Variants in TLL2 observed in about 807,000 individuals in gnomAD.
TLL2 encodes the protein tolloid like 2, also known as tolloid-like protein 2.
In TLL2, 106 loss-of-function variants were observed where a neutral mutation model predicts 123.0. The observed-to-expected ratio is 0.86, with a 90% CI of 0.74 to 1.01. TLL2 has a LOEUF of 1.01. TLL2 is among the 50% of genes least tolerant of loss of function. TLL2 has a pLI of 0.00. For missense variants in TLL2, 1,332 were observed against 1,336.7 expected, an observed-to-expected ratio of 1.00 and a Z score of 0.06; for synonymous variants, 494 against 516.8, an observed-to-expected ratio of 0.96 and a Z score of 0.60.
chr10:96,424,520 A>G (rs1351787725), intron 5 of TLL2, among the ~76,000 whole-genome samples: 1 of 152,164 alleles, frequency 6.6e-6, no homozygotes, highest in Non-Finnish European at 1.5e-5. Context: ...TTATCAAACT[A>G]TTTTGCCAAT....
intron 1 of TLL2, 28 bp downstream of exon 1, chr10:96,513,483 G>C (rs781125049): frequency 6.2e-7 from 1 of 1,611,350 alleles, no homozygotes; most frequent in East Asian, 2.2e-5. Context: ...GCAAACTTCT[G>C]CGGGACTTCC....
At chr10:96,423,295 C>G (rs1021688423) in intron 5 of TLL2, among the ~76,000 whole-genome samples, 10 of 152,158 alleles carry the variant, frequency 6.6e-5, no homozygotes, top group African/African-American at 2.2e-4. Context: ...TACGGTCTCT[C>G]TCTGACATAA....
At position 96,428,712 on chromosome 10, in the gene TLL2, T is replaced by A. The variant is rs765175182; in HGVS notation, c.557A>T (p.His186Leu). 1 of 1,614,098 alleles carries A rather than the reference T, an allele frequency of 6.2e-7. No individual in the cohort carries two copies. The highest frequency in any genetic ancestry group is 1.3e-5 in the African/African-American group (1 of 75,054). The change falls in exon 5 of 21, where the codon CAC becomes CTC. Residue 186 changes from histidine to leucine, a missense_variant. Transcript: ENST00000357947. ...QRAIFKQAMR[H>L]WEKHTCVTFI... ...GGTCACACAGGTGTGCTTCTCCCAG[T>A]GTCTCATGGCCTGCTTAAAAATGGC...
chr10:96,441,002 C>T (rs1366802931), intron 3 of TLL2, among the ~76,000 whole-genome samples: 4 of 151,830 alleles, frequency 2.6e-5, no homozygotes, highest in Admixed American at 6.6e-5. Context: ...GAGCTCAGGG[C>T]GTCTGACAGG....
chr10:96,388,874 G>GTAC (rs1274014083), intron 13 of TLL2, among the ~76,000 whole-genome samples: 1 of 152,218 alleles, frequency 6.6e-6, no homozygotes, highest in Non-Finnish European at 1.5e-5. Flanking sequence ...TAATGGTGAT[G>GTAC]TACTCTTGGG....
chr10:96,432,671 G>A, intron 4 of TLL2, 136 bp downstream of exon 4: 3 of 1,114,426 alleles, frequency 2.7e-6, no homozygotes, highest in Non-Finnish European at 3.8e-6. Flanking sequence ...GCCGGCAAGA[G>A]GGGGGCATCA....
rs370477854 is a variant in TLL2, at chr10:96,457,373, C to T, written c.287-11205G>A. ...ATGACAGCTTGTCTCTGTCCTACCC[C>T]ATGGTCCAGACTTCAGCAGGGTGTT... On this transcript the variant is annotated intron_variant, in intron 2 of 20. Coordinates refer to ENST00000357947, the MANE Select transcript of TLL2 (RefSeq NM_012465.4). 2.6e-5 allele frequency among the ~76,000 whole-genome samples: 4 copies of T among 152,340 alleles called. No individual in the cohort carries two copies. In the South Asian group the frequency reaches 8.3e-4, roughly 32 times the overall value.
chr10:96,484,752 T>C (rs1471560449), intron 1 of TLL2, among the ~76,000 whole-genome samples: 2 of 152,180 alleles, frequency 1.3e-5, no homozygotes, highest in East Asian at 1.9e-4. Context: ...GACACATAGA[T>C]GCTTTCCCTG....
At chr10:96,446,592 G>A (rs765847589) in intron 2 of TLL2, among the ~76,000 whole-genome samples, 4 of 152,090 alleles carry the variant, frequency 2.6e-5, no homozygotes, top group Non-Finnish European at 5.9e-5. Flanking sequence ...CAGTGCTGCC[G>A]AATACTCAAT....
At chr10:96,478,562 A>C (rs939933514) in intron 2 of TLL2, among the ~76,000 whole-genome samples, 1 of 152,230 alleles carries the variant, frequency 6.6e-6, no homozygotes, top group Non-Finnish European at 1.5e-5. Context: ...TATTTATCGT[A>C]GCCCAAACCA....
chr10:96,379,141 G>T, intron 16 of TLL2, 49 bp from the exon 17 acceptor site: 1 of 1,585,450 alleles, frequency 6.3e-7, no homozygotes, highest in Non-Finnish European at 8.6e-7. Context: ...ACTTGCAAAT[G>T]TCCCTCAGGG....
At chr10:96,401,525 C>T (rs533938751) in intron 10 of TLL2, among the ~76,000 whole-genome samples, 13 of 147,574 alleles carry the variant, frequency 8.8e-5, no homozygotes, top group African/African-American at 2.2e-4. Flanking sequence ...CACACACACA[C>T]GCACACACAC....
At chr10:96,490,078 CAG>C (rs1056053095) in intron 1 of TLL2, among the ~76,000 whole-genome samples, 6 of 151,834 alleles carry the variant, frequency 4.0e-5, no homozygotes, top group African/African-American at 7.3e-5. Context: ...GCCTGGGTGA[CAG>C]AGTGAGACTC....
Position 96,368,027 on chromosome 10 carries a change from T to C in TLL2, c.*61A>G, listed in dbSNP as rs1437909738. The C allele has an allele frequency of 6.2e-6, 10 of 1,601,062 alleles. No individual in the cohort carries two copies. Among genetic ancestry groups the C allele is most frequent in the Non-Finnish European group, 7.7e-6 (9 of 1,172,644 alleles). Reference sequence around the variant, plus strand: ...AGGGCAGATTTTCAAGGTGCTATTGTTGTTAAAAACAAAACAAAACAAAAA... The same window carrying C: ...AGGGCAGATTTTCAAGGTGCTATTGCTGTTAAAAACAAAACAAAACAAAAA... On this transcript the variant is annotated 3_prime_UTR_variant, in exon 21 of 21. Coordinates refer to ENST00000357947, the MANE Select transcript of TLL2 (RefSeq NM_012465.4).
intron 2 of TLL2, among the ~76,000 whole-genome samples, chr10:96,457,217 C>A (rs564619057): frequency 6.6e-6 from 1 of 152,318 alleles, no homozygotes; most frequent in East Asian, 1.9e-4. Flanking sequence ...GACCACACTG[C>A]AGCCTAGGCT....
chr10:96,454,525 A>G (rs1173610698), intron 2 of TLL2, among the ~76,000 whole-genome samples: 1 of 152,090 alleles, frequency 6.6e-6, no homozygotes, highest in Non-Finnish European at 1.5e-5. Context: ...CCCCTTAGGC[A>G]TGCTCTTAGA....
chr10:96,405,433 T>C (rs145612704), intron 9 of TLL2, 99 bp from the exon 10 acceptor site: 3 of 1,110,720 alleles, frequency 2.7e-6, no homozygotes, highest in East Asian at 4.8e-5. Context: ...CCCTTTAGCA[T>C]GCAGAACTTT....
At chr10:96,438,656 G>A (rs969205909) in intron 3 of TLL2, among the ~76,000 whole-genome samples, 29 of 151,832 alleles carry the variant, frequency 1.9e-4, no homozygotes, top group African/African-American at 6.8e-4. Context: ...TTTGTTTTTC[G>A]TGCTTTACTG....
chr10:96,429,341 T>G (rs1589420360), intron 4 of TLL2, among the ~76,000 whole-genome samples: 1 of 141,940 alleles, frequency 7.0e-6, no homozygotes, highest in African/African-American at 2.6e-5. Flanking sequence ...TATACAATTT[T>G]TATTTGTCAA....
Sources: gnomAD v4.1 joint callset for allele counts (sites outside exome capture counted in the v4.1 genomes callset) on GRCh38, gnomAD v4.1.1 for gene constraint, MANE v1.5 for transcripts, NCBI Gene and HGNC (gene_info 2026-07-23, HGNC 2026-07-21) for gene names.